PLXNA2: variants seen among roughly 807,000 people sequenced by gnomAD.
PLXNA2 encodes plexin A2.
Under a neutral mutation model 193.5 loss-of-function variants are expected in PLXNA2, and 91 were observed. That is an observed-to-expected ratio of 0.47 (90% CI 0.40 to 0.56). The LOEUF (loss-of-function observed/expected upper bound fraction) is 0.56. Among genes scored for constraint, PLXNA2 ranks in the 20% least tolerant of loss-of-function variants. The pLI is 0.00. For missense variants in PLXNA2, 1,995 were observed against 2,503.2 expected (o/e 0.80, Z 4.33); for synonymous variants, 997 against 1,027.3 (o/e 0.97, Z 0.56).
chr1:208,241,881 T>G (rs773188486), intron 1 of PLXNA2, among the ~76,000 whole-genome samples: 3 of 151,312 alleles, frequency 2.0e-5, no homozygotes, highest in Non-Finnish European at 4.4e-5. Flanking sequence ...AGAAGGGGAA[T>G]GAAAAACAAC....
intron 1 of PLXNA2, among the ~76,000 whole-genome samples, chr1:208,224,212 T>C (rs770632006): frequency 7.9e-5 from 12 of 152,186 alleles, no homozygotes; most frequent in Non-Finnish European, 1.6e-4. Context: ...AGGAGTTATC[T>C]GGTATTTAAA....
chr1:208,219,892 G>A (rs1572047175), intron 1 of PLXNA2, among the ~76,000 whole-genome samples: 1 of 152,206 alleles, frequency 6.6e-6, no homozygotes, highest in Admixed American at 6.5e-5. Context: ...CCTCCCAACA[G>A]ACAGGGCTTT....
chr1:208,145,512 ACCCTCT>A (rs1179660023), intron 3 of PLXNA2, among the ~76,000 whole-genome samples: 2 of 152,028 alleles, frequency 1.3e-5, no homozygotes, highest in African/African-American at 2.4e-5. Flanking sequence ...GTTGGCCTCT[ACCCTCT>A]CCCAGAGCCT....
chr1:208,130,653 T>C (rs3811389), intron 4 of PLXNA2, among the ~76,000 whole-genome samples: 79,290 of 151,906 alleles, frequency 0.52, 21,022 homozygotes, highest in Non-Finnish European at 0.55. Context: ...GACTCAGATG[T>C]GTGGTGAGTG....
intron 3 of PLXNA2, among the ~76,000 whole-genome samples, chr1:208,155,309 A>C (rs112132991): frequency 6.6e-6 from 1 of 152,162 alleles, no homozygotes; most frequent in Non-Finnish European, 1.5e-5. Flanking sequence ...ACTTTGTGAA[A>C]TAGAGAAAAG....
intron 12 of PLXNA2, among the ~76,000 whole-genome samples, chr1:208,065,210 G>A (rs532473988): frequency 6.6e-6 from 1 of 152,326 alleles, no homozygotes; most frequent in Admixed American, 6.5e-5. Context: ...TGGCCAGCAT[G>A]TTAGGCAGAT....
At chr1:208,071,850 T>C (rs575207768) in intron 12 of PLXNA2, among the ~76,000 whole-genome samples, 2 of 152,336 alleles carry the variant, frequency 1.3e-5, no homozygotes, top group Admixed American at 1.3e-4. Flanking sequence ...TGTGGGGGAC[T>C]TTGCAGTGAG....
intron 4 of PLXNA2, among the ~76,000 whole-genome samples, chr1:208,133,614 A>C (rs1439134098): frequency 2.6e-5 from 4 of 152,240 alleles, no homozygotes; most frequent in Non-Finnish European, 4.4e-5. Context: ...ATATGCAAAC[A>C]ATATGCAAAT....
At position 208,054,510 on chromosome 1, in the gene PLXNA2, C is replaced by G. The variant is rs765055718; in HGVS notation, c.2767G>C (p.Val923Leu). Residue 923 changes from valine (V) to leucine (L), a missense_variant, in exon 14 of 32, where the codon GTG (valine) becomes CTG (leucine). This residue lies in a region of PLXNA2 where 1,291 missense variants were observed against 1,673.6 expected (regional missense o/e 0.77). Coordinates refer to ENST00000367033, the MANE Select transcript of PLXNA2 (RefSeq NM_025179.4). ...QIVCEMGHALVGTTSGPVRLC... is the reference protein window; with the variant it reads ...QIVCEMGHALLGTTSGPVRLC... Reference sequence around the variant, plus strand: ...CGTACTGGCCCGGAGGTGGTTCCCACGAGGGCATGGCCCATCTCACAGACA... The same window carrying G: ...CGTACTGGCCCGGAGGTGGTTCCCAGGAGGGCATGGCCCATCTCACAGACA... 206 of 1,614,154 alleles carry G rather than the reference C, an allele frequency of 1.3e-4. 6 individuals are homozygous for G. In the South Asian group the frequency reaches 2.3e-3, roughly 18 times the overall value.
At chr1:208,198,771 C>T (rs1442296199) in intron 3 of PLXNA2, among the ~76,000 whole-genome samples, 1 of 152,130 alleles carries the variant, frequency 6.6e-6, no homozygotes, top group Non-Finnish European at 1.5e-5. Context: ...CATATGGAAG[C>T]GTAGAGAAGT....
chr1:208,033,169 T>C (rs1664559638), intron 28 of PLXNA2, 150 bp downstream of exon 28: 2 of 700,004 alleles, frequency 2.9e-6, no homozygotes, highest in Non-Finnish European at 4.7e-6. Flanking sequence ...GTGCTGGGAT[T>C]ATGGGCATGA....
chr1:208,129,323 G>A lies in PLXNA2; in HGVS notation c.1506+13006C>T, dbSNP rs753794881. Among the ~76,000 whole-genome samples, 4 of 152,284 alleles carry A rather than the reference G, an allele frequency of 2.6e-5. No homozygotes were observed. The East Asian group carries it at 7.7e-4, about 29-fold the overall frequency. On this transcript the variant is annotated intron_variant, in intron 4 of 31. Coordinates refer to ENST00000367033, the MANE Select transcript of PLXNA2 (RefSeq NM_025179.4). ...TACTTAGATACAGGGTATGTCCAGA[G>A]GACCTGCTGGTGAGCTTGCCACAGA...
At chr1:208,032,663 G>A (rs1664538817) in intron 28 of PLXNA2, among the ~76,000 whole-genome samples, 1 of 150,956 alleles carries the variant, frequency 6.6e-6, no homozygotes, top group African/African-American at 2.4e-5. Flanking sequence ...TACCTGCTAG[G>A]AAGGCTAAAA....
chr1:208,216,352 T>C (rs907791417), intron 2 of PLXNA2, among the ~76,000 whole-genome samples: 4 of 152,218 alleles, frequency 2.6e-5, no homozygotes, highest in African/African-American at 9.6e-5. Context: ...TTTTTCTCTA[T>C]AGCCATTATC....
chr1:208,180,032 C>T (rs555440824), intron 3 of PLXNA2, among the ~76,000 whole-genome samples: 12 of 152,320 alleles, frequency 7.9e-5, no homozygotes, highest in Middle Eastern at 3.4e-3. Context: ...TGCCCCGCCC[C>T]CACCCTGGGG....
intron 4 of PLXNA2, among the ~76,000 whole-genome samples, chr1:208,132,052 G>A (rs1668174212): frequency 6.6e-6 from 1 of 152,334 alleles, no homozygotes; most frequent in African/African-American, 2.4e-5. Flanking sequence ...GAGGCGCTTG[G>A]CTGGCTGCGC....
At position 208,031,577 on chromosome 1, in the gene PLXNA2, C is replaced by T. The variant is rs1664504421; in HGVS notation, c.5225+13G>A. 6.2e-7 allele frequency: 1 copy of T among 1,613,872 alleles called. No individual in the cohort carries two copies. On this transcript the variant is annotated intron_variant, in intron 29 of 31. Coordinates refer to ENST00000367033, the MANE Select transcript of PLXNA2 (RefSeq NM_025179.4). ...CCAGGCTGCACCTCCTGCTGAGCTCCCCGAGGGTTTACCAGTTGCTTTTCC... is the reference window on the plus strand; with the variant it reads ...CCAGGCTGCACCTCCTGCTGAGCTCTCCGAGGGTTTACCAGTTGCTTTTCC...
At position 208,186,708 on chromosome 1, in the gene PLXNA2, A is replaced by ATTTTGTTTTTTGTTTTTTGT. The variant is rs368056918; in HGVS notation, c.1371+23571_1371+23572insACAAAAAACAAAAAACAAAA. On this transcript the variant is annotated intron_variant, in intron 3 of 31. Transcript: ENST00000367033. ...GGGCTGTCCTGGGAATTGCAATGTT[A>ATTTTGTTTTTTGTTTTTTGT]TTTTATTTTTTTTTTTTTTTTTGAG... is the stretch of plus-strand genomic sequence containing the variant. Among the ~76,000 whole-genome samples, 181 of 111,688 alleles carry ATTTTGTTTTTTGTTTTTTGT rather than the reference A, an allele frequency of 1.6e-3. 9 individuals are homozygous for ATTTTGTTTTTTGTTTTTTGT. Among genetic ancestry groups the ATTTTGTTTTTTGTTTTTTGT allele is most frequent in the Middle Eastern group, 8.2e-3 (2 of 244 alleles). The allele number at this position is 111,688 out of a possible 152,430, so 73.3% of individuals were successfully genotyped here. A position where few individuals can be genotyped will look rare whatever the true frequency, so the allele number is the denominator to read the frequency against.
intron 2 of PLXNA2, 76 bp downstream of exon 2, chr1:208,216,659 G>A: frequency 1.3e-6 from 2 of 1,498,300 alleles, no homozygotes; most frequent in Non-Finnish European, 9.0e-7. Flanking sequence ...GGGAGCAGAT[G>A]TGCCCCAGGG....
Sources: gnomAD v4.1 joint callset for allele counts (sites outside exome capture counted in the v4.1 genomes callset) on GRCh38, gnomAD v4.1.1 for gene constraint, gnomAD v4.1.1 regional missense constraint, MANE v1.5 for transcripts, NCBI Gene and HGNC (gene_info 2026-07-23, HGNC 2026-07-21) for gene names.